The following BAIAP3 variants were observed in gnomAD, a reference collection of about 807,000 sequenced individuals.
BAIAP3 encodes BAI1-associated protein 3.
Under a neutral mutation model 149.7 loss-of-function variants are expected in BAIAP3, and 180 were observed. The ratio of observed to expected loss-of-function variants is 1.20; its 90% CI spans 1.07 to 1.36. BAIAP3 has a LOEUF of 1.36. BAIAP3 is among the 40% of genes most tolerant of loss of function. BAIAP3 has a pLI of 0.00. For missense variants in BAIAP3, 1,767 were observed against 1,563.4 expected (o/e 1.13, Z -2.20); for synonymous variants, 845 against 670.7 (o/e 1.26, Z -4.02).
chr16:1,343,867 G>A (rs892688939), intron 15 of BAIAP3, among the ~76,000 whole-genome samples, 155 bp from the exon 16 acceptor site: 17 of 152,044 alleles, frequency 1.1e-4, no homozygotes, highest in Non-Finnish European at 2.5e-4. Flanking sequence ...CAGGCCGTCT[G>A]GGACAGGCCG....
At chr16:1,336,410 C>G in intron 1 of BAIAP3, 3 of 984,738 alleles carry the variant, frequency 3.0e-6, no homozygotes, top group Middle Eastern at 5.2e-4. Context: ...GTGAGTCCCC[C>G]CCGCAAGCAT....
rs1433537674 is a variant in BAIAP3 at position 1,345,264 on chromosome 16, G to A, written c.1956G>A (p.Leu652=). ...CCCACCACAGGGACAGCCGCTCTCT[G>A]GCCCTGGCTGGCATCCACGCCCCCT... ...DSIPGRDSRS[L]ALAGIHAPFL... The change falls in exon 22 of 34, where the codon CTG becomes CTA. Residue 652 remains leucine (L), a synonymous_variant. Transcript: ENST00000426824. 1.2e-6 allele frequency: 2 copies of A among 1,612,942 alleles called. No homozygotes were observed. The highest frequency in any genetic ancestry group is 1.3e-5 in the African/African-American group (1 of 74,860).
intron 16 of BAIAP3, 38 bp from the exon 17 acceptor site, chr16:1,344,189 C>A: frequency 1.2e-6 from 2 of 1,612,418 alleles, no homozygotes; most frequent in Non-Finnish European, 8.5e-7. Flanking sequence ...GGGCGGCTGG[C>A]AGGGCAGGCC....
chr16:1,339,406 G>A lies in BAIAP3; in HGVS notation c.301-90G>A, dbSNP rs2033698333. ...GGGGCTCCTGGTGCAAAGAGGCAGA[G>A]GTGGGGCCTGGGCTCAGGCAGACAG... On this transcript the variant is annotated intron_variant, in intron 4 of 33. Transcript: ENST00000426824. 5.4e-6 allele frequency: 8 copies of A among 1,485,158 alleles called. No individual in the cohort carries two copies. In the South Asian group the frequency reaches 9.7e-5, roughly 18 times the overall value. 92.0% of individuals were successfully genotyped at this position (1,485,158 alleles called of 1,614,324 possible).
intron 5 of BAIAP3, 125 bp from the exon 6 acceptor site, chr16:1,340,797 C>T (rs2033875059): frequency 9.5e-7 from 1 of 1,053,374 alleles, no homozygotes; most frequent in African/African-American, 1.6e-5. Flanking sequence ...CAGGCTTCCC[C>T]CAACCCTGCA....
chr16:1,346,191 G>C lies in BAIAP3; in HGVS notation c.2323G>C (p.Val775Leu). Residue 775 changes from valine to leucine, a missense_variant, in exon 25 of 34, where the codon GTG (valine) becomes CTG (leucine). Transcript: ENST00000426824. ...CCAGCTCTGCGTGGTCCTCAACAAT[G>C]TGGAGCTCGTGCGCAAGGCTGCTGG... Reference protein sequence around the residue: ...SEALCVVLNNVELVRKAAGQA... With the variant: ...SEALCVVLNNLELVRKAAGQA... 1 of 1,611,908 alleles carries C rather than the reference G, an allele frequency of 6.2e-7. No homozygotes were observed. The highest frequency in any genetic ancestry group is 2.2e-5 in the East Asian group (1 of 44,868).
chr16:1,344,187 G>A (rs752679443), intron 16 of BAIAP3, 40 bp from the exon 17 acceptor site: 2 of 1,612,416 alleles, frequency 1.2e-6, no homozygotes, highest in Admixed American at 1.7e-5. Flanking sequence ...GGGGGCGGCT[G>A]GCAGGGCAGG....
At position 1,348,001 on chromosome 16, in the gene BAIAP3, G is replaced by A. The variant is rs1270523826; in HGVS notation, c.3133G>A (p.Asp1045Asn). The A allele has an allele frequency of 9.9e-6, 16 of 1,609,626 alleles. No individual in the cohort carries two copies. The highest frequency in any genetic ancestry group is 4.5e-5 in the East Asian group (2 of 44,882). Residue 1045 changes from aspartate (D) to asparagine (N), a missense_variant, in exon 32 of 34, where the codon GAC becomes AAC. Asp to Asn is a conservative substitution (Grantham distance 23, BLOSUM62 1). Transcript: ENST00000426824. ...GACCCGGACGCTGCACCCTGTATAC[G>A]ACGAACTCTTCTACTTGTGAGTGTC... Reference protein sequence around the residue: ...VKTRTLHPVYDELFYFSVPAE... With the variant: ...VKTRTLHPVYNELFYFSVPAE...
chr16:1,340,386 G>A (rs2033834222), intron 5 of BAIAP3, among the ~76,000 whole-genome samples: 1 of 110,488 alleles, frequency 9.1e-6, no homozygotes, highest in African/African-American at 3.2e-5. Context: ...CACGCACACA[G>A]GTTGCAGGTG....
At position 1,344,278 on chromosome 16, in the gene BAIAP3, C is replaced by A. The variant is rs753807188; in HGVS notation, c.1563C>A (p.Phe521Leu). The A allele has an allele frequency of 6.2e-7, 1 of 1,613,902 alleles. No individual in the cohort carries two copies. The highest frequency in any genetic ancestry group is 2.2e-5 in the East Asian group (1 of 44,882). ...AACCCTCCTTTGAGATCTGCCCCTTCGAGTCGGAGCTGAACATGGACATTG... is the reference window on the plus strand; with the variant it reads ...AACCCTCCTTTGAGATCTGCCCCTTAGAGTCGGAGCTGAACATGGACATTG... ...LFQPSFEICP[F>L]ESELNMDIAA... The change falls in exon 17 of 34, where the codon TTC (phenylalanine) becomes TTA (leucine). Residue 521 changes from phenylalanine to leucine, a missense_variant. Phe to Leu is a conservative substitution (Grantham distance 22). Coordinates refer to ENST00000426824, the MANE Select transcript of BAIAP3 (RefSeq NM_001199097.2).
intron 29 of BAIAP3, 80 bp downstream of exon 29, chr16:1,347,449 T>C (rs1442438815): frequency 3.1e-6 from 5 of 1,590,440 alleles, no homozygotes; most frequent in Non-Finnish European, 4.3e-6. Flanking sequence ...GGCTGTGTCC[T>C]TGAGCATGAG....
intron 19 of BAIAP3, 44 bp from the exon 20 acceptor site, chr16:1,344,754 G>C: frequency 6.2e-7 from 1 of 1,613,342 alleles, no homozygotes; most frequent in East Asian, 2.2e-5. Context: ...AACAGGGCCT[G>C]CAGGTGGGGC....
In BAIAP3 at chr16:1,345,999, C is replaced by T. The variant is rs750294066; in HGVS notation, c.2222C>T (p.Ala741Val). The change falls in exon 24 of 34, where the codon GCC becomes GTC. Residue 741 changes from alanine (A) to valine (V), a missense_variant. Transcript: ENST00000426824. ...TCCCCTCCTCAGGACGTGTGTGAGG[C>T]CACCCTCTTCTATACGGAGCTGCTT... ...GTQLGQDVCE[A>V]TLFYTELLRK... 1.2e-6 allele frequency: 2 copies of T among 1,608,404 alleles called. No homozygotes were observed. Among genetic ancestry groups the T allele is most frequent in the East Asian group, 2.2e-5 (1 of 44,746 alleles).
chr16:1,348,408 C>G lies in BAIAP3; in HGVS notation c.3385C>G (p.Arg1129Gly), dbSNP rs949672891. ...ATCTGCGCTGAGGAGGCTGGAAGGC[C>G]GCACCAGCAAGGAGGCGCAGGAGTT... ...VRSALRRLEG[R>G]TSKEAQEFVK... Residue 1129 changes from arginine (R) to glycine (G), a missense_variant, in exon 34 of 34, where the codon CGC becomes GGC. Coordinates refer to ENST00000426824, the MANE Select transcript of BAIAP3 (RefSeq NM_001199097.2). 3 of 1,612,668 alleles carry G rather than the reference C, an allele frequency of 1.9e-6. No individual in the cohort carries two copies. The highest frequency in any genetic ancestry group is 4.5e-5 in the East Asian group (2 of 44,866).
In BAIAP3 at chr16:1,346,507, T is replaced by G; in HGVS notation, c.2559T>G (p.Asp853Glu). 6.2e-7 allele frequency: 1 copy of G among 1,610,466 alleles called. No individual in the cohort carries two copies. The highest frequency in any genetic ancestry group is 2.2e-5 in the East Asian group (1 of 44,792). ...ISLSPDSIQN[D>E]EAVAPLMKYL... ...TCTCGCCTGACTCCATCCAGAACGA[T>G]GAGGTGAGTGCCGGGGCGAGGGGCC... The change falls in exon 26 of 34, where the codon GAT (aspartate) becomes GAG (glutamate). Residue 853 changes from aspartate (D) to glutamate (E), a missense_variant. Physicochemically the swap from Asp to Glu is conservative, Grantham distance 45. Transcript: ENST00000426824.
chr16:1,343,388 C>A lies in BAIAP3; in HGVS notation c.1266-5C>A, dbSNP rs761814336. On this transcript the variant is annotated splice_region_variant and splice_polypyrimidine_tract_variant and intron_variant, in intron 14 of 33. Coordinates refer to ENST00000426824, the MANE Select transcript of BAIAP3 (RefSeq NM_001199097.2). ...TACCCTTTGACCATGGGCCGGGCCCCACAGGCACTGGCAGGTCAGCAGCCG... is the reference window on the plus strand; with the variant it reads ...TACCCTTTGACCATGGGCCGGGCCCAACAGGCACTGGCAGGTCAGCAGCCG... 6.3e-7 allele frequency: 1 copy of A among 1,580,700 alleles called. No homozygotes were observed. Among genetic ancestry groups the A allele is most frequent in the South Asian group, 1.1e-5 (1 of 87,206 alleles).
Position 1,339,235 on chromosome 16 carries a change from C to A in BAIAP3, c.291C>A (p.Ala97=). 1.3e-6 allele frequency: 2 copies of A among 1,563,864 alleles called. No homozygotes were observed. Among genetic ancestry groups the A allele is most frequent in the Non-Finnish European group, 8.6e-7 (1 of 1,156,380 alleles). ...CCAGCCTCGGCCTGAGAGCCCTGGC[C>A]CCAGAGGAGGTAAAGGTGGGGGTCG... ...VDPSLGLRAL[A]PEEVEMLYEE... Residue 97 remains alanine, a synonymous_variant, in exon 4 of 34, where the codon GCC becomes GCA. Coordinates refer to ENST00000426824, the MANE Select transcript of BAIAP3 (RefSeq NM_001199097.2).
intron 1 of BAIAP3, among the ~76,000 whole-genome samples, chr16:1,338,288 T>C (rs1436161602): frequency 6.6e-6 from 1 of 152,094 alleles, no homozygotes; most frequent in African/African-American, 2.4e-5. Context: ...CAGCCCCGCC[T>C]TTGACAGCAT....
chr16:1,345,737 G>C lies in BAIAP3; in HGVS notation c.2065-10G>C. On this transcript the variant is annotated splice_polypyrimidine_tract_variant and intron_variant, in intron 22 of 33. Coordinates refer to ENST00000426824, the MANE Select transcript of BAIAP3 (RefSeq NM_001199097.2). The stretch of plus-strand genomic sequence containing the variant: ...CTCCCCAGCAAACCCAGCCTCCCCT[G>C]CCTCCCTAGCTGGAGCCCGTGGACG... 2 of 1,399,590 alleles carry C rather than the reference G, an allele frequency of 1.4e-6. No homozygotes were observed. The highest frequency in any genetic ancestry group is 6.3e-5 in the East Asian group (2 of 31,932). The allele number at this position is 1,399,590 out of a possible 1,614,324, so 86.7% of individuals were successfully genotyped here.
Sources: gnomAD v4.1 joint callset for allele counts (sites outside exome capture counted in the v4.1 genomes callset) on GRCh38, gnomAD v4.1.1 for gene constraint, MANE v1.5 for transcripts, NCBI Gene and HGNC (gene_info 2026-07-23, HGNC 2026-07-21) for gene names.